Variants in CFAP61 observed in about 807,000 individuals in gnomAD.
CFAP61 encodes cilia and flagella associated protein 61.
Under a neutral mutation model 135.6 loss-of-function variants are expected in CFAP61, and 107 were observed. That is an observed-to-expected ratio of 0.79 (90% confidence interval 0.67 to 0.93). The LOEUF is 0.93. CFAP61 is among the 40% of genes least tolerant of loss of function. CFAP61 has a pLI of 0.00. For synonymous variants in CFAP61, 575 were observed against 578.5 expected, an observed-to-expected ratio of 0.99 and a Z score of 0.09; for missense variants, 1,507 against 1,556.2, an observed-to-expected ratio of 0.97 and a Z score of 0.53.
Position 20,360,470 on chromosome 20 carries a change from G to A in CFAP61, c.*60G>A. 6.6e-7 allele frequency: 1 copy of A among 1,511,084 alleles called. No homozygotes were observed. Among genetic ancestry groups the A allele is most frequent in the Non-Finnish European group, 9.1e-7 (1 of 1,098,140 alleles). The allele number at this position is 1,511,084 out of a possible 1,614,324, so 93.6% of individuals were successfully genotyped here. A position where few individuals can be genotyped will look rare whatever the true frequency, so the allele number is the denominator to read the frequency against. The stretch of plus-strand genomic sequence containing the variant: ...TATTTAGTTCCTGGAAACGCGCTCT[G>A]TAGAAATAGAAAAGTTCTCTGCAGC... On this transcript the variant is annotated 3_prime_UTR_variant, in exon 27 of 27. Transcript: ENST00000245957.
chr20:20,114,114 C>CA (rs534395352), intron 8 of CFAP61, among the ~76,000 whole-genome samples: 19 of 151,868 alleles, frequency 1.3e-4, no homozygotes, highest in Non-Finnish European at 2.4e-4. Context: ...ACAAAAAGTG[C>CA]AAAAAATTAG....
At chr20:20,081,072 G>A (rs966256159) in intron 6 of CFAP61, among the ~76,000 whole-genome samples, 2 of 151,986 alleles carry the variant, frequency 1.3e-5, no homozygotes, top group African/African-American at 4.8e-5. Context: ...AATTGCATTT[G>A]TCTAAATCTG....
At chr20:20,299,740 G>A (rs1222638306) in intron 25 of CFAP61, among the ~76,000 whole-genome samples, 1 of 152,198 alleles carries the variant, frequency 6.6e-6, no homozygotes, top group Admixed American at 6.5e-5. Flanking sequence ...TGTTCTCCCT[G>A]CTGTGTGGTA....
At chr20:20,184,780 G>A (rs997417608) in intron 13 of CFAP61, 9 of 152,200 alleles carry the variant, frequency 5.9e-5, no homozygotes, top group Non-Finnish European at 1.2e-4. Context: ...AGCACCTTCT[G>A]ATGAGATAGG....
At chr20:20,234,206 C>T (rs978181373) in intron 18 of CFAP61, among the ~76,000 whole-genome samples, 1 of 152,160 alleles carries the variant, frequency 6.6e-6, no homozygotes, top group African/African-American at 2.4e-5. Context: ...CCAAAAGACA[C>T]CCTTGTCAGT....
chr20:20,246,179 T>A lies in CFAP61; in HGVS notation c.2123T>A (p.Leu708His). The A allele has an allele frequency of 6.2e-7, 1 of 1,613,788 alleles. No individual in the cohort carries two copies. The highest frequency in any genetic ancestry group is 8.5e-7 in the Non-Finnish European group (1 of 1,179,664). ...ISTHGLPGKK[L>H]LDTEQRKFLA... Reference sequence around the variant, plus strand: ...ACTCATGGACTCCCAGGAAAAAAACTTCTGGACACTGAACAAAGGAAATTT... The same window carrying A: ...ACTCATGGACTCCCAGGAAAAAAACATCTGGACACTGAACAAAGGAAATTT... Residue 708 changes from leucine to histidine, a missense_variant, in exon 19 of 27, where the codon CTT (leucine) becomes CAT (histidine). Coordinates refer to ENST00000245957, the MANE Select transcript of CFAP61 (RefSeq NM_015585.4).
intron 20 of CFAP61, chr20:20,253,776 A>G: frequency 4.3e-6 from 1 of 234,462 alleles, no homozygotes; most frequent in Non-Finnish European, 8.7e-6. Flanking sequence ...GTGTTCTTCA[A>G]TGAACACGAA....
chr20:20,341,079 T>C (rs1180438071), intron 25 of CFAP61, among the ~76,000 whole-genome samples: 1 of 151,972 alleles, frequency 6.6e-6, no homozygotes, highest in Non-Finnish European at 1.5e-5. Context: ...TAAACAGTAA[T>C]AAGGGCAGCT....
intron 8 of CFAP61, among the ~76,000 whole-genome samples, chr20:20,138,048 C>G (rs368146274): frequency 1.0e-3 from 159 of 152,224 alleles, no homozygotes; most frequent in African/African-American, 3.6e-3. Flanking sequence ...GAATGTCATC[C>G]AGGAGCCAGG....
At chr20:20,295,975 A>G (rs2055394921) in intron 24 of CFAP61, among the ~76,000 whole-genome samples, 1 of 135,788 alleles carries the variant, frequency 7.4e-6, no homozygotes, top group African/African-American at 2.8e-5. Flanking sequence ...TTGCACACCA[A>G]CGCCTGCATG....
rs561683507 is a variant in CFAP61 at position 20,331,989 on chromosome 20, C to T, written c.3423-9842C>T. Reference sequence around the variant, plus strand: ...AATTAAATGCTAACCTTGCCTCATACTATTAGTGCTGAACTTATATAACAA... The same window carrying T: ...AATTAAATGCTAACCTTGCCTCATATTATTAGTGCTGAACTTATATAACAA... On this transcript the variant is annotated intron_variant, in intron 25 of 26. Transcript: ENST00000245957. Among the ~76,000 whole-genome samples the T allele has an allele frequency of 6.6e-5, 10 of 152,332 alleles. No individual in the cohort carries two copies. The South Asian group carries it at 2.1e-3, about 32-fold the overall frequency.
At chr20:20,351,845 T>A (rs556035382) in intron 26 of CFAP61, among the ~76,000 whole-genome samples, 1 of 152,002 alleles carries the variant, frequency 6.6e-6, no homozygotes, top group African/African-American at 2.4e-5. Flanking sequence ...TCAATGCAAT[T>A]CCTATCAAAA....
intron 6 of CFAP61, among the ~76,000 whole-genome samples, chr20:20,080,029 G>A (rs1440524841): frequency 6.6e-6 from 1 of 152,080 alleles, no homozygotes; most frequent in Non-Finnish European, 1.5e-5. Context: ...GATCTTGTAA[G>A]TAGTGTAACA....
intron 2 of CFAP61, among the ~76,000 whole-genome samples, chr20:20,067,015 A>T (rs530478595): frequency 6.6e-6 from 1 of 152,156 alleles, no homozygotes; most frequent in Admixed American, 6.5e-5. Flanking sequence ...TAGTTAAATG[A>T]TACCCACAAA....
chr20:20,186,793 T>C (rs1601267780), intron 13 of CFAP61, among the ~76,000 whole-genome samples: 3 of 152,224 alleles, frequency 2.0e-5, no homozygotes, highest in Non-Finnish European at 1.5e-5. Flanking sequence ...CAGTTAAAAG[T>C]TAAATAGATT....
intron 20 of CFAP61, among the ~76,000 whole-genome samples, chr20:20,257,256 A>G (rs2051687058): frequency 6.6e-6 from 1 of 152,226 alleles, no homozygotes; most frequent in Non-Finnish European, 1.5e-5. Flanking sequence ...ACAAGGCCTC[A>G]GAAAAAATTA....
chr20:20,166,478 A>C (rs2053841546), intron 12 of CFAP61, 42 bp downstream of exon 12: 2 of 1,509,970 alleles, frequency 1.3e-6, no homozygotes, highest in Non-Finnish European at 1.8e-6. Context: ...TTGTAAGCTT[A>C]GAGAACTTAT....
At chr20:20,337,027 T>A (rs1186719810) in intron 25 of CFAP61, among the ~76,000 whole-genome samples, 2 of 152,236 alleles carry the variant, frequency 1.3e-5, no homozygotes, top group African/African-American at 4.8e-5. Flanking sequence ...ACCCTAGGTC[T>A]TCTCCTTCCT....
At chr20:20,241,543 C>A (rs1277344648) in intron 18 of CFAP61, among the ~76,000 whole-genome samples, 3 of 152,122 alleles carry the variant, frequency 2.0e-5, no homozygotes, top group Admixed American at 6.5e-5. Flanking sequence ...TAGGATAATG[C>A]AATGTGGTAG....
Sources: allele counts gnomAD v4.1 joint callset (sites outside exome capture counted in the v4.1 genomes callset), GRCh38; gene constraint gnomAD v4.1.1; transcripts MANE v1.5; gene names NCBI Gene and HGNC (gene_info 2026-07-23, HGNC 2026-07-21).